The following MBOAT1 variants were observed in gnomAD, a reference collection of about 807,000 sequenced individuals.
The protein encoded by MBOAT1 is membrane-bound glycerophospholipid O-acyltransferase 1.
In MBOAT1, 67 loss-of-function variants were observed where a neutral mutation model predicts 64.4. The observed-to-expected ratio is 1.04, with a 90% CI of 0.85 to 1.27. The LOEUF (loss-of-function observed/expected upper bound fraction) is 1.27, where lower values mean the gene tolerates loss of function less well. Among genes scored for constraint, MBOAT1 ranks in the 50% most tolerant of loss-of-function variants. The pLI, the probability that MBOAT1 is intolerant of heterozygous loss-of-function variation, is 0.00. For missense variants in MBOAT1, 563 were observed against 604.6 expected (o/e 0.93, Z 0.72); for synonymous variants, 229 against 218.9 (o/e 1.05, Z -0.41).
chr6:20,194,062 A>C (rs1268407225), intron 1 of MBOAT1, among the ~76,000 whole-genome samples: 4 of 152,204 alleles, frequency 2.6e-5, no homozygotes, highest in Non-Finnish European at 5.9e-5. Context: ...GGACGGCCTC[A>C]ATGTCTATTT....
At chr6:20,192,586 A>G (rs768709056) in intron 1 of MBOAT1, among the ~76,000 whole-genome samples, 2 of 152,224 alleles carry the variant, frequency 1.3e-5, no homozygotes, top group Non-Finnish European at 2.9e-5. Flanking sequence ...TCAGTGCTGT[A>G]ACAATGAAAC....
At chr6:20,205,663 C>A (rs752686611) in intron 1 of MBOAT1, among the ~76,000 whole-genome samples, 1 of 152,168 alleles carries the variant, frequency 6.6e-6, no homozygotes, top group Non-Finnish European at 1.5e-5. Flanking sequence ...CTCCACCAGG[C>A]CTGTCCTCTG....
chr6:20,178,932 GT>G (rs74601724), intron 1 of MBOAT1, among the ~76,000 whole-genome samples: 2,684 of 147,950 alleles, frequency 0.018, 72 homozygotes, highest in African/African-American at 0.059. Flanking sequence ...TTTTTAATGG[GT>G]TTTTTTTTTT....
rs1048136771 is a variant in MBOAT1 at position 20,144,162 on chromosome 6, C to T, written c.419+58G>A. ...TGTGCACCCTTGATGTTTACAGACCCCAAGAGACCAAGTCAAAGTCAGCAG... is the reference window on the plus strand; with the variant it reads ...TGTGCACCCTTGATGTTTACAGACCTCAAGAGACCAAGTCAAAGTCAGCAG... On this transcript the variant is annotated intron_variant, in intron 4 of 12. Transcript: ENST00000324607. 4 of 1,149,884 alleles carry T rather than the reference C, an allele frequency of 3.5e-6. No homozygotes were observed. In the Admixed American group the frequency reaches 7.4e-5, roughly 21 times the overall value. The allele number at this position is 1,149,884 out of a possible 1,614,324, so 71.2% of individuals were successfully genotyped here.
chr6:20,160,705 C>T (rs1056724629), intron 1 of MBOAT1, among the ~76,000 whole-genome samples: 7 of 152,148 alleles, frequency 4.6e-5, no homozygotes, highest in Non-Finnish European at 1.5e-5. Context: ...TTGCATTGCC[C>T]CCTACAAATA....
chr6:20,138,166 G>A (rs544733919), intron 4 of MBOAT1, among the ~76,000 whole-genome samples: 1 of 152,050 alleles, frequency 6.6e-6, no homozygotes, highest in Non-Finnish European at 1.5e-5. Context: ...CTGCCTTTAC[G>A]GTGGTAGGGA....
chr6:20,117,052 A>G (rs1760345153), intron 9 of MBOAT1, among the ~76,000 whole-genome samples: 1 of 152,256 alleles, frequency 6.6e-6, no homozygotes, highest in Admixed American at 6.5e-5. Flanking sequence ...CAAAACTGAG[A>G]CAGGTCATTC....
chr6:20,171,190 G>C (rs17565285), intron 1 of MBOAT1, among the ~76,000 whole-genome samples: 3,866 of 152,170 alleles, frequency 0.025, 69 homozygotes, highest in South Asian at 0.04. Flanking sequence ...TAGAGCTATA[G>C]GTGACTTCAG....
chr6:20,143,136 C>G (rs1049770763), intron 4 of MBOAT1, among the ~76,000 whole-genome samples: 1 of 152,174 alleles, frequency 6.6e-6, no homozygotes, highest in Non-Finnish European at 1.5e-5. Context: ...CTCAGGCTGC[C>G]TGCAGAGAAC....
chr6:20,129,659 G>A (rs1249627455), intron 5 of MBOAT1, among the ~76,000 whole-genome samples: 2 of 151,970 alleles, frequency 1.3e-5, no homozygotes, highest in South Asian at 2.1e-4. Flanking sequence ...TTTAGGCAAC[G>A]AAGCTGCTTA....
At chr6:20,204,281 T>C (rs936598211) in intron 1 of MBOAT1, among the ~76,000 whole-genome samples, 4 of 152,226 alleles carry the variant, frequency 2.6e-5, no homozygotes, top group South Asian at 4.2e-4. Context: ...GGTGTGTGCA[T>C]TGGGCACGTG....
chr6:20,137,700 T>C (rs758028884), intron 4 of MBOAT1, among the ~76,000 whole-genome samples: 3 of 140,016 alleles, frequency 2.1e-5, no homozygotes, highest in Middle Eastern at 3.5e-3. Context: ...TACAAGTTTA[T>C]GTGTTCCCCA....
chr6:20,182,893 G>T (rs1762549491), intron 1 of MBOAT1, among the ~76,000 whole-genome samples: 1 of 152,186 alleles, frequency 6.6e-6, no homozygotes, highest in Non-Finnish European at 1.5e-5. Context: ...GGTGACAATG[G>T]AACTCTCAAA....
At chr6:20,190,777 G>A (rs1312475673) in intron 1 of MBOAT1, among the ~76,000 whole-genome samples, 1 of 152,012 alleles carries the variant, frequency 6.6e-6, no homozygotes, top group African/African-American at 2.4e-5. Context: ...GCAGAACTTC[G>A]GGCAGATAGG....
chr6:20,152,526 T>G (rs1188922892), intron 2 of MBOAT1, 98 bp downstream of exon 2: 6 of 1,273,162 alleles, frequency 4.7e-6, no homozygotes, highest in Non-Finnish European at 6.4e-6. Context: ...AATACATATT[T>G]TATAATGCCA....
intron 4 of MBOAT1, among the ~76,000 whole-genome samples, chr6:20,141,042 T>G (rs948088396): frequency 1.3e-5 from 2 of 151,380 alleles, no homozygotes; most frequent in Admixed American, 6.6e-5. Flanking sequence ...TGCATGACTC[T>G]GGGGTACAGG....
intron 1 of MBOAT1, among the ~76,000 whole-genome samples, chr6:20,158,748 T>C (rs1050862607): frequency 2.0e-5 from 3 of 152,192 alleles, no homozygotes; most frequent in Non-Finnish European, 2.9e-5. Context: ...TAATTACCAA[T>C]GGGCAAAGGA....
rs1760040240 is a variant in MBOAT1 at position 20,109,015 on chromosome 6, A to C, written c.1361+583T>G. On this transcript the variant is annotated intron_variant, in intron 12 of 12. Coordinates refer to ENST00000324607, the MANE Select transcript of MBOAT1 (RefSeq NM_001080480.3). ...TAAAAGTCAGCAATTAGAGGTTTGC[A>C]GTTCACCTGGAGCACAGGTGTTTGA... is the stretch of plus-strand genomic sequence containing the variant. 2.6e-5 allele frequency among the ~76,000 whole-genome samples: 4 copies of C among 152,272 alleles called. No homozygotes were observed. The East Asian group carries it at 7.7e-4, about 29-fold the overall frequency.
chr6:20,194,066 T>C (rs1377070966), intron 1 of MBOAT1, among the ~76,000 whole-genome samples: 4 of 152,152 alleles, frequency 2.6e-5, no homozygotes, highest in African/African-American at 9.7e-5. Context: ...GGCCTCAATG[T>C]CTATTTCTGA....
Sources: allele counts gnomAD v4.1 joint callset (sites outside exome capture counted in the v4.1 genomes callset), GRCh38; gene constraint gnomAD v4.1.1; transcripts MANE v1.5; gene names NCBI Gene and HGNC (gene_info 2026-07-23, HGNC 2026-07-21).